The following TUB variants were observed in gnomAD, a reference collection of about 807,000 sequenced individuals.
TUB encodes TUB bipartite transcription factor, also known as tubby protein homolog.
TUB carries 33 observed loss-of-function variants against 59.7 expected under a neutral mutation model. The observed-to-expected ratio is 0.55, with a 90% confidence interval of 0.42 to 0.74. The LOEUF is 0.74. Among genes scored for constraint, TUB ranks in the 30% least tolerant of loss-of-function variants. TUB has a pLI of 0.00. For missense variants in TUB, 659 were observed against 672.0 expected, an observed-to-expected ratio of 0.98 and a Z score of 0.21; for synonymous variants, 293 against 256.4, an observed-to-expected ratio of 1.14 and a Z score of -1.36.
upstream of TUB, among the ~76,000 whole-genome samples, chr11:8,081,065 C>G (rs1943546495): frequency 6.6e-6 from 1 of 151,954 alleles, no homozygotes; most frequent in African/African-American, 2.4e-5. Flanking sequence ...CCGGCGCGGT[C>G]ACGCGCATGG....
upstream of TUB, among the ~76,000 whole-genome samples, chr11:8,079,786 C>G (rs959325307): frequency 2.0e-4 from 30 of 151,914 alleles, no homozygotes; most frequent in African/African-American, 7.0e-4. Context: ...AGACCCAGAC[C>G]TTTTGTGTGT....
At chr11:8,099,895 A>G (rs1192317948) in intron 9 of TUB, among the ~76,000 whole-genome samples, 2 of 152,236 alleles carry the variant, frequency 1.3e-5, no homozygotes, top group Non-Finnish European at 2.9e-5. Context: ...GATACCAGGC[A>G]GTAAATGGTG....
In TUB at chr11:8,095,612, G is replaced by A; in HGVS notation, c.512G>A (p.Gly171Asp). The A allele has an allele frequency of 1.2e-6, 2 of 1,612,284 alleles. No individual in the cohort carries two copies. Among genetic ancestry groups the A allele is most frequent in the South Asian group, 1.1e-5 (1 of 90,754 alleles). ...CAGGACGCAGGGGAGACGGCAGCTGGTGGGGGCGAACGGCCCAGCGGGCAG... is the reference window on the plus strand; with the variant it reads ...CAGGACGCAGGGGAGACGGCAGCTGATGGGGGCGAACGGCCCAGCGGGCAG... ...HAQDAGETAA[G>D]GGERPSGQDL... Residue 171 changes from glycine (G) to aspartate (D), a missense_variant, in exon 5 of 12, where the codon GGT becomes GAT. This residue lies in a region of TUB where 321 missense variants were observed against 304.3 expected (regional missense o/e 1.05). Transcript: ENST00000299506.
chr11:8,019,499 C>G (rs1942386494), intron 1 of TUB: 1 of 811,830 alleles, frequency 1.2e-6, no homozygotes, highest in African/African-American at 1.8e-5. Context: ...CTCGGGCATC[C>G]GGGACCCAGA....
In TUB at chr11:8,104,865, G is replaced by A. The variant is rs188605519; in HGVS notation, c.*3246G>A. ...GGACTGTGATAATCAGAAGCTATAA[G>A]AGAACTTTCGGAGCCTGCCTCCTTC... On this transcript the variant is annotated 3_prime_UTR_variant, in exon 12 of 12. Transcript: ENST00000299506. 1 of 151,562 alleles carries A rather than the reference G, an allele frequency of 6.6e-6. No homozygotes were observed. Among genetic ancestry groups the A allele is most frequent in the African/African-American group, 2.4e-5 (1 of 41,296 alleles). The allele number at this position is 151,562 out of a possible 1,614,324, so 9.4% of individuals were successfully genotyped here.
chr11:8,080,819 G>C (rs577811733), upstream of TUB, among the ~76,000 whole-genome samples: 80 of 152,272 alleles, frequency 5.3e-4, no homozygotes, highest in African/African-American at 1.8e-3. Context: ...CCACGCTTCG[G>C]CCCGGAGGTT....
chr11:8,095,820 T>A (rs970392536), intron 5 of TUB, among the ~76,000 whole-genome samples, 155 bp downstream of exon 5: 2 of 152,220 alleles, frequency 1.3e-5, no homozygotes, highest in Non-Finnish European at 2.9e-5. Flanking sequence ...GAGAAACTCT[T>A]AGGCAGGGCC....
At chr11:8,075,202 A>G (rs1943429801) in intron 2 of TUB, among the ~76,000 whole-genome samples, 1 of 152,196 alleles carries the variant, frequency 6.6e-6, no homozygotes, top group East Asian at 1.9e-4. Context: ...TTCCATCAGT[A>G]TCTTTGTACA....
intron 1 of TUB, among the ~76,000 whole-genome samples, chr11:8,027,571 G>A (rs986953969): frequency 6.6e-6 from 1 of 152,152 alleles, no homozygotes; most frequent in African/African-American, 2.4e-5. Context: ...CTGGAGGGCA[G>A]TGGCGCGACC....
Position 8,104,201 on chromosome 11 carries a change from C to T in TUB, c.*2582C>T, listed in dbSNP as rs1944426299. On this transcript the variant is annotated 3_prime_UTR_variant, in exon 12 of 12. Coordinates refer to ENST00000299506, the MANE Select transcript of TUB (RefSeq NM_177972.3). ...CATACCCTCTACCTGGATGGATGGT[C>T]TTTGGGCAGGGAATTAATGACAGAA... 6.6e-6 allele frequency: 1 copy of T among 152,232 alleles called. No individual in the cohort carries two copies. Among genetic ancestry groups the T allele is most frequent in the African/African-American group, 2.4e-5 (1 of 41,440 alleles). 9.4% of individuals were successfully genotyped at this position (152,232 alleles called of 1,614,324 possible).
upstream of TUB, among the ~76,000 whole-genome samples, chr11:8,035,079 G>A (rs79252990): frequency 6.6e-6 from 1 of 152,198 alleles, no homozygotes; most frequent in South Asian, 2.1e-4. Flanking sequence ...CTGAGACTAG[G>A]GTGAGGCTAG....
chr11:8,068,617 C>T (rs1000066580), intron 2 of TUB: 1 of 152,378 alleles, frequency 6.6e-6, no homozygotes, highest in Non-Finnish European at 1.5e-5. Flanking sequence ...CCCCGTCTAC[C>T]TTTACTGAGC....
At chr11:8,091,348 G>A (rs138928093) in intron 3 of TUB, among the ~76,000 whole-genome samples, 14 of 152,248 alleles carry the variant, frequency 9.2e-5, no homozygotes, top group East Asian at 7.7e-4. Context: ...TGTACCCTCC[G>A]AGGAAGCCTA....
rs765096204 is a variant in TUB, at chr11:8,096,729, G to A, written c.610G>A (p.Glu204Lys). 2.5e-6 allele frequency: 4 copies of A among 1,613,930 alleles called. No homozygotes were observed. The highest frequency in any genetic ancestry group is 2.2e-5 in the East Asian group (1 of 44,884). The change falls in exon 6 of 12, where the codon GAG becomes AAG. Residue 204 changes from glutamate to lysine, a missense_variant. Glu to Lys is a moderately conservative substitution (Grantham distance 56, BLOSUM62 1). Around this residue, in one of 3 missense-constraint regions of TUB, gnomAD observed 321 missense variants for 304.3 expected, o/e 1.05. Transcript: ENST00000299506. ...MSFDEDEEDE[E>K]ENSSSSSQLN... Reference sequence around the variant, plus strand: ...CTTTGACGAGGATGAGGAGGATGAGGAGGAGAATAGCTCCAGCTCCTCCCA... The same window carrying A: ...CTTTGACGAGGATGAGGAGGATGAGAAGGAGAATAGCTCCAGCTCCTCCCA...
chr11:8,039,089 C>A, intron 1 of TUB: 1 of 1,581,118 alleles, frequency 6.3e-7, no homozygotes. Flanking sequence ...GCTCCACCCA[C>A]CCACCCTCAC....
chr11:8,044,918 C>T (rs557878568), intron 2 of TUB, among the ~76,000 whole-genome samples: 3 of 152,170 alleles, frequency 2.0e-5, no homozygotes, highest in Non-Finnish European at 2.9e-5. Context: ...TATGCAATGG[C>T]GTGGAGCTTC....
At chr11:8,042,706 C>G (rs1469694511) in intron 2 of TUB, among the ~76,000 whole-genome samples, 1 of 152,190 alleles carries the variant, frequency 6.6e-6, no homozygotes, top group Non-Finnish European at 1.5e-5. Flanking sequence ...CTAATGATGA[C>G]TAACAATGTG....
intron 6 of TUB, 148 bp from the exon 7 acceptor site, chr11:8,097,080 G>A: frequency 1.1e-6 from 1 of 895,578 alleles, no homozygotes; most frequent in Non-Finnish European, 1.7e-6. Flanking sequence ...GATAGCTTCT[G>A]ACCCCAGGCC....
chr11:8,019,338 C>T, exon 1 of TUB: 2 of 1,280,832 alleles, frequency 1.6e-6, no homozygotes, highest in Non-Finnish European at 2.0e-6. Context: ...CCCTGTCTTA[C>T]AGCCGCTGGA....
Sources: allele counts gnomAD v4.1 joint callset (sites outside exome capture counted in the v4.1 genomes callset), GRCh38; gene constraint gnomAD v4.1.1; regional missense constraint gnomAD v4.1.1; transcripts MANE v1.5; gene names NCBI Gene and HGNC (gene_info 2026-07-23, HGNC 2026-07-21).